TMEM178B: variants seen among roughly 807,000 people sequenced by gnomAD.
The protein encoded by TMEM178B is transmembrane protein 178B.
In TMEM178B, 5 loss-of-function variants were observed where a neutral mutation model predicts 31.0. The ratio of observed to expected loss-of-function variants is 0.16; its 90% confidence interval spans 0.08 to 0.34. The LOEUF is 0.34. TMEM178B is among the 10% of genes least tolerant of loss of function. The probability of loss-of-function intolerance (pLI) is 1.00; values close to 1 mark genes in which losing one functional copy is unlikely to be tolerated. For missense variants in TMEM178B, 275 were observed against 400.3 expected, an observed-to-expected ratio of 0.69 and a Z score of 2.67; for synonymous variants, 164 against 164.0, an observed-to-expected ratio of 1.00 and a Z score of 0.00.
chr7:141,164,106 G>C (rs928429936), intron 1 of TMEM178B, among the ~76,000 whole-genome samples: 1 of 152,084 alleles, frequency 6.6e-6, no homozygotes, highest in Non-Finnish European at 1.5e-5. Flanking sequence ...CTCTTTGATA[G>C]ATACAATAGT....
At chr7:141,240,886 G>C (rs1287498073) in intron 2 of TMEM178B, among the ~76,000 whole-genome samples, 2 of 152,136 alleles carry the variant, frequency 1.3e-5, no homozygotes, top group Non-Finnish European at 2.9e-5. Context: ...AAAGGTGGGT[G>C]CTGGGAAGGT....
At chr7:141,337,209 C>T (rs1586900043) in intron 2 of TMEM178B, among the ~76,000 whole-genome samples, 3 of 103,212 alleles carry the variant, frequency 2.9e-5, no homozygotes, top group South Asian at 3.6e-4. Context: ...ACCACCACCA[C>T]CATCACCACC....
the TMEM178B span, among the ~76,000 whole-genome samples, chr7:141,485,499 A>T: frequency 6.6e-6 from 1 of 152,218 alleles, no homozygotes; most frequent in Non-Finnish European, 1.5e-5. Flanking sequence ...TCTCAGCCAC[A>T]TGCTTAAAAC....
chr7:141,401,395 G>C (rs1187767596), intron 2 of TMEM178B, among the ~76,000 whole-genome samples: 1 of 152,002 alleles, frequency 6.6e-6, no homozygotes, highest in African/African-American at 2.4e-5. Context: ...TAAGCACAGG[G>C]GTTATCTTTT....
intron 2 of TMEM178B, chr7:141,212,910 A>G (rs1797072356): frequency 1.9e-6 from 1 of 515,836 alleles, no homozygotes; most frequent in South Asian, 3.5e-5. Context: ...TTCTAAAATT[A>G]AAGAAAGAAC....
Position 141,434,285 on chromosome 7 carries a change from G to A in TMEM178B, c.497-3323G>A, listed in dbSNP as rs539644308. Among the ~76,000 whole-genome samples, 28 of 152,250 alleles carry A rather than the reference G, an allele frequency of 1.8e-4. 1 individual carries two copies. The highest frequency in any genetic ancestry group is 3.4e-3 in the Middle Eastern group (1 of 294). On this transcript the variant is annotated intron_variant, in intron 2 of 3. Transcript: ENST00000565468. ...CCAGGCAGAACCTTTGCTCCCTGGC[G>A]TCTGCAGAGCCTGGGGAACAGTACA...
At chr7:141,263,418 C>G (rs1798046155) in intron 2 of TMEM178B, among the ~76,000 whole-genome samples, 1 of 152,166 alleles carries the variant, frequency 6.6e-6, no homozygotes, top group Admixed American at 6.5e-5. Flanking sequence ...TTCCAATTCA[C>G]CACCTACCAT....
chr7:141,451,283 G>C (rs1402229054), intron 3 of TMEM178B, among the ~76,000 whole-genome samples: 1 of 152,206 alleles, frequency 6.6e-6, no homozygotes, highest in Non-Finnish European at 1.5e-5. Flanking sequence ...TTGTACGGTT[G>C]TTATGAGAAT....
chr7:141,357,852 G>A (rs1159306056), intron 2 of TMEM178B, among the ~76,000 whole-genome samples: 1 of 152,160 alleles, frequency 6.6e-6, no homozygotes, highest in Non-Finnish European at 1.5e-5. Context: ...TTGTACATGT[G>A]AGAACATTAT....
rs1376042916 is a variant in TMEM178B, at chr7:141,318,551, A to G, written c.496+105847A>G. ...TACCATTTGTCACTCAATGAGAAATAAAGATGTATTGGAGACTAAAATATT... is the reference window on the plus strand; with the variant it reads ...TACCATTTGTCACTCAATGAGAAATGAAGATGTATTGGAGACTAAAATATT... On this transcript the variant is annotated intron_variant, in intron 2 of 3. Transcript: ENST00000565468. This position sits in a 1 kb window ranked among gnomAD's most constrained non-coding sequence, Gnocchi z 4.1. Among the ~76,000 whole-genome samples, 2 of 152,234 alleles carry G rather than the reference A, an allele frequency of 1.3e-5. No individual in the cohort carries two copies. Among genetic ancestry groups the G allele is most frequent in the African/African-American group, 4.8e-5 (2 of 41,468 alleles).
intron 1 of TMEM178B, among the ~76,000 whole-genome samples, chr7:141,094,107 AAAAAC>A (rs1794921211): frequency 6.6e-6 from 1 of 152,174 alleles, no homozygotes. Flanking sequence ...ATGGTGCAGA[AAAAAC>A]AAAAAGGAGA....
At chr7:141,482,626 G>A (rs559647391), downstream of TMEM178B, among the ~76,000 whole-genome samples, 80 of 152,266 alleles carry the variant, frequency 5.3e-4, no homozygotes, top group African/African-American at 1.5e-3. Flanking sequence ...GACCACGCTC[G>A]GATTCAATGA....
chr7:141,492,059 T>C, the TMEM178B span, among the ~76,000 whole-genome samples: 1 of 152,196 alleles, frequency 6.6e-6, no homozygotes, highest in Non-Finnish European at 1.5e-5. Flanking sequence ...TTCTGAGGCC[T>C]TCAAGGCCCT....
chr7:141,160,980 C>A (rs1796160393), intron 1 of TMEM178B, among the ~76,000 whole-genome samples: 1 of 152,090 alleles, frequency 6.6e-6, no homozygotes, highest in South Asian at 2.1e-4. Flanking sequence ...GCCTCAGCCT[C>A]CTGAGTAGCT....
At chr7:141,401,062 G>A (rs939999849) in intron 2 of TMEM178B, among the ~76,000 whole-genome samples, 2 of 152,194 alleles carry the variant, frequency 1.3e-5, no homozygotes, top group African/African-American at 4.8e-5. Flanking sequence ...AGTCTCCAGT[G>A]GGTCATTGCT....
intron 2 of TMEM178B, among the ~76,000 whole-genome samples, chr7:141,433,405 C>G (rs569089221): frequency 6.6e-6 from 1 of 152,180 alleles, no homozygotes; most frequent in African/African-American, 2.4e-5. Context: ...TTAGATTTGA[C>G]TCTTTAGGTC....
intron 1 of TMEM178B, among the ~76,000 whole-genome samples, chr7:141,179,893 T>A (rs1224198502): frequency 1.3e-5 from 2 of 152,232 alleles, no homozygotes; most frequent in African/African-American, 2.4e-5. Flanking sequence ...ACAACTCCTC[T>A]GTCTCTCCTG....
intron 2 of TMEM178B, among the ~76,000 whole-genome samples, chr7:141,237,149 T>C (rs941625105): frequency 6.6e-6 from 1 of 152,262 alleles, no homozygotes; most frequent in Admixed American, 6.5e-5. Context: ...ATTGTTGGTG[T>C]GTTCATAGGA....
At chr7:141,441,438 G>T (rs925054194) in intron 3 of TMEM178B, among the ~76,000 whole-genome samples, 1 of 152,206 alleles carries the variant, frequency 6.6e-6, no homozygotes, top group Non-Finnish European at 1.5e-5. Context: ...TCACAAAGTG[G>T]GACAGAAAGG....
Sources: gnomAD v4.1 joint callset for allele counts (sites outside exome capture counted in the v4.1 genomes callset) on GRCh38, gnomAD v4.1.1 for gene constraint, Gnocchi (gnomAD v3.1) non-coding constraint, MANE v1.5 for transcripts, NCBI Gene and HGNC (gene_info 2026-07-23, HGNC 2026-07-21) for gene names.